Variants in SPAG16 observed in about 807,000 individuals in gnomAD.
The protein encoded by SPAG16 is sperm associated antigen 16.
In SPAG16, 86 loss-of-function variants were observed where a neutral mutation model predicts 80.4. The observed-to-expected ratio is 1.07, with a 90% confidence interval of 0.90 to 1.28. The LOEUF (loss-of-function observed/expected upper bound fraction) is 1.28. Ranked by LOEUF, SPAG16 falls within the 50% of genes most tolerant of loss-of-function variation. SPAG16 has a pLI of 0.00. For missense variants in SPAG16, 870 were observed against 765.3 expected (o/e 1.14, Z -1.61); for synonymous variants, 294 against 265.9 (o/e 1.11, Z -1.03).
intron 10 of SPAG16, among the ~76,000 whole-genome samples, chr2:213,624,893 C>T (rs750304644): frequency 4.6e-5 from 7 of 152,048 alleles, no homozygotes; most frequent in Non-Finnish European, 4.4e-5. Context: ...CAAGTTCAAG[C>T]GATTCTACTG....
chr2:213,665,071 A>C (rs2063553669), intron 10 of SPAG16, among the ~76,000 whole-genome samples: 1 of 151,966 alleles, frequency 6.6e-6, no homozygotes, highest in Non-Finnish European at 1.5e-5. Flanking sequence ...TTTCTCTTTC[A>C]ATATTTTCCC....
At chr2:214,164,214 A>G (rs2125612011) in intron 15 of SPAG16, among the ~76,000 whole-genome samples, 1 of 152,250 alleles carries the variant, frequency 6.6e-6, no homozygotes, top group African/African-American at 2.4e-5. Context: ...AAGAAGGTTC[A>G]GTGAATGGGA....
At chr2:213,684,443 T>G (rs1251206462) in intron 10 of SPAG16, among the ~76,000 whole-genome samples, 1 of 152,230 alleles carries the variant, frequency 6.6e-6, no homozygotes, top group Non-Finnish European at 1.5e-5. Context: ...AATATCTCTT[T>G]TCTTTGAAGA....
chr2:213,542,662 G>A (rs1476048600), intron 10 of SPAG16, among the ~76,000 whole-genome samples: 2 of 152,030 alleles, frequency 1.3e-5, no homozygotes, highest in Admixed American at 6.5e-5. Context: ...ATTAAAAGAT[G>A]CAGAATATTT....
chr2:214,146,216 C>T (rs1040057851), intron 14 of SPAG16, among the ~76,000 whole-genome samples: 2 of 152,160 alleles, frequency 1.3e-5, no homozygotes, highest in Non-Finnish European at 2.9e-5. Flanking sequence ...CAACTAATCT[C>T]CTTCCCACAT....
intron 13 of SPAG16, among the ~76,000 whole-genome samples, chr2:214,021,485 C>A (rs2047864085): frequency 6.6e-6 from 1 of 152,076 alleles, no homozygotes; most frequent in Non-Finnish European, 1.5e-5. Context: ...TCTCATGAGA[C>A]CCATTCACTG....
At chr2:213,572,980 G>T (rs530117160) in intron 10 of SPAG16, among the ~76,000 whole-genome samples, 4 of 152,128 alleles carry the variant, frequency 2.6e-5, no homozygotes, top group Non-Finnish European at 4.4e-5. Flanking sequence ...CGCAATATTC[G>T]GGTGGGAGTG....
chr2:213,648,553 T>A (rs1254901864), intron 10 of SPAG16, among the ~76,000 whole-genome samples: 1 of 151,464 alleles, frequency 6.6e-6, no homozygotes, highest in African/African-American at 2.4e-5. Flanking sequence ...AGAGAAAAAA[T>A]GATAAATGAT....
chr2:214,157,993 G>T (rs948301033), intron 15 of SPAG16, among the ~76,000 whole-genome samples: 3 of 126,202 alleles, frequency 2.4e-5, no homozygotes, highest in Non-Finnish European at 5.9e-5. Flanking sequence ...AATTATTCAT[G>T]TCTCCATCAG....
At position 213,759,523 on chromosome 2, in the gene SPAG16, GT is replaced by G. The variant is rs201986184; in HGVS notation, c.1071-102957del. 1.1e-3 allele frequency among the ~76,000 whole-genome samples: 164 copies of G among 151,956 alleles called. 2 individuals are homozygous for G. In the East Asian group the frequency reaches 0.024, roughly 22 times the overall value. ...GGAATGGAGCTTTTGAAGGAGCCGA[GT>G]TTTTATATATTATTGCAGTTATGGT... On this transcript the variant is annotated intron_variant, in intron 10 of 15. Coordinates refer to ENST00000331683, the MANE Select transcript of SPAG16 (RefSeq NM_024532.5).
chr2:214,357,112 T>C lies in SPAG16; in HGVS notation c.1721-53028T>C, dbSNP rs190887259. ...TATGGAGATATCACTTTTAATCTAA[T>C]AGTCACCCCTTGAATGGTCCCTGTC... On this transcript the variant is annotated intron_variant, in intron 15 of 15. Transcript: ENST00000331683. Among the ~76,000 whole-genome samples, 331 of 152,074 alleles carry C rather than the reference T, an allele frequency of 2.2e-3. 2 individuals are homozygous for C. The highest frequency in any genetic ancestry group is 7.7e-3 in the African/African-American group (318 of 41,528).
At chr2:214,386,289 G>A (rs370952233) in intron 15 of SPAG16, among the ~76,000 whole-genome samples, 33 of 152,218 alleles carry the variant, frequency 2.2e-4, no homozygotes, top group African/African-American at 7.5e-4. Context: ...AGGCTGAGGT[G>A]GTGGGATGGC....
At chr2:213,836,789 T>C (rs1017816591) in intron 10 of SPAG16, among the ~76,000 whole-genome samples, 18 of 152,034 alleles carry the variant, frequency 1.2e-4, no homozygotes, top group African/African-American at 4.1e-4. Context: ...AATTTTTGTA[T>C]TTTCAGTAGA....
chr2:214,083,180 G>A (rs2051497578), intron 13 of SPAG16, among the ~76,000 whole-genome samples: 1 of 152,128 alleles, frequency 6.6e-6, no homozygotes, highest in Admixed American at 6.6e-5. Flanking sequence ...TCCATAGAGG[G>A]GACGGAATGT....
At chr2:214,163,633 T>TAG (rs1228508894) in intron 15 of SPAG16, among the ~76,000 whole-genome samples, 16 of 114,376 alleles carry the variant, frequency 1.4e-4, no homozygotes, top group Admixed American at 1.1e-3. Context: ...TATACATATA[T>TAG]ATATAGAGAG....
intron 9 of SPAG16, among the ~76,000 whole-genome samples, chr2:213,452,762 C>T (rs2071778057): frequency 6.6e-6 from 1 of 152,210 alleles, no homozygotes; most frequent in South Asian, 2.1e-4. Context: ...TGCTGAAATG[C>T]ATCATGGCCT....
chr2:214,322,352 C>G (rs1307797128), intron 15 of SPAG16, among the ~76,000 whole-genome samples: 1 of 151,988 alleles, frequency 6.6e-6, no homozygotes, highest in Non-Finnish European at 1.5e-5. Flanking sequence ...TCTGTATTCC[C>G]CATGTTTTAT....
rs570543813 is a variant in SPAG16 at position 214,241,001 on chromosome 2, T to C, written c.1720+91735T>C. On this transcript the variant is annotated intron_variant, in intron 15 of 15. Coordinates refer to ENST00000331683, the MANE Select transcript of SPAG16 (RefSeq NM_024532.5). ...TTTATGAAATATGAGTAACGGTAGGTATAGATAATTTATTTTCCCTCAGCT... is the reference window on the plus strand; with the variant it reads ...TTTATGAAATATGAGTAACGGTAGGCATAGATAATTTATTTTCCCTCAGCT... 1.4e-4 allele frequency: 22 copies of C among 152,106 alleles called. 2 individuals carry two copies. Among genetic ancestry groups the C allele is most frequent in the African/African-American group, 4.8e-4 (20 of 41,504 alleles). 9.4% of individuals were successfully genotyped at this position (152,106 alleles called of 1,614,324 possible). A position where few individuals can be genotyped will look rare whatever the true frequency, so the allele number is the denominator to read the frequency against.
At chr2:213,748,239 TA>T (rs2067921931) in intron 10 of SPAG16, among the ~76,000 whole-genome samples, 1 of 152,176 alleles carries the variant, frequency 6.6e-6, no homozygotes, top group Admixed American at 6.5e-5. Flanking sequence ...GAAATACTTT[TA>T]AAAGGAACAT....
Sources: gnomAD v4.1 joint callset for allele counts (sites outside exome capture counted in the v4.1 genomes callset) on GRCh38, gnomAD v4.1.1 for gene constraint, MANE v1.5 for transcripts, NCBI Gene and HGNC (gene_info 2026-07-23, HGNC 2026-07-21) for gene names.